The following LRRIQ3 variants were observed in gnomAD, a reference collection of about 807,000 sequenced individuals.
LRRIQ3 encodes the protein leucine-rich repeat and IQ domain-containing protein 3.
A neutral mutation model predicts 59.3 loss-of-function variants in LRRIQ3; 75 were observed. That is an observed-to-expected ratio of 1.26 (90% CI 1.05 to 1.53). The LOEUF is 1.53. Ranked by LOEUF, LRRIQ3 falls within the 40% of genes most tolerant of loss-of-function variation. LRRIQ3 has a pLI of 0.00. For synonymous variants in LRRIQ3, 250 were observed against 231.3 expected (o/e 1.08, Z -0.73); for missense variants, 831 against 710.0 (o/e 1.17, Z -1.94).
chr1:74,051,627 C>T (rs1245496695), intron 6 of LRRIQ3, among the ~76,000 whole-genome samples: 14 of 152,038 alleles, frequency 9.2e-5, no homozygotes, highest in Admixed American at 2.0e-4. Flanking sequence ...AAACCCCATA[C>T]GCATTAGAGT....
intron 4 of LRRIQ3, chr1:74,138,517 A>G (rs1421469627): frequency 1.0e-5 from 10 of 984,292 alleles, no homozygotes; most frequent in Non-Finnish European, 1.1e-5. Flanking sequence ...TGTTGTCTCA[A>G]TATGAGAAAC....
At chr1:74,157,219 G>A (rs2100671488) in intron 3 of LRRIQ3, among the ~76,000 whole-genome samples, 1 of 152,090 alleles carries the variant, frequency 6.6e-6, no homozygotes, top group African/African-American at 2.4e-5. Context: ...TTTTTTCACA[G>A]AGAAACTAGA....
In LRRIQ3 at chr1:74,168,419, AT is replaced by A. The variant is rs1253849937; in HGVS notation, c.574-12554del. On this transcript the variant is annotated intron_variant, in intron 3 of 7. Transcript: ENST00000354431. ...AGCTACTCAATCCTACTTTTAACTAATTTTTGTATGATACATATTTTTCCAT... is the reference window on the plus strand; with the variant it reads ...AGCTACTCAATCCTACTTTTAACTAATTTTGTATGATACATATTTTTCCAT... Among the ~76,000 whole-genome samples the A allele has an allele frequency of 2.0e-5, 3 of 151,962 alleles. No homozygotes were observed. The East Asian group carries it at 5.8e-4, about 29-fold the overall frequency.
chr1:74,028,971 A>G (rs183876381), intron 7 of LRRIQ3, among the ~76,000 whole-genome samples: 12 of 152,166 alleles, frequency 7.9e-5, no homozygotes, highest in African/African-American at 2.6e-4. Context: ...AATGTACTAA[A>G]ATAGCCCTCT....
At chr1:74,187,721 C>T (rs915708319) in intron 1 of LRRIQ3, among the ~76,000 whole-genome samples, 1 of 151,636 alleles carries the variant, frequency 6.6e-6, no homozygotes, top group Non-Finnish European at 1.5e-5. Flanking sequence ...CACCTGTACC[C>T]CAACAACTAT....
chr1:74,130,618 T>A (rs1217555299), intron 4 of LRRIQ3, among the ~76,000 whole-genome samples: 1 of 152,126 alleles, frequency 6.6e-6, no homozygotes, highest in Non-Finnish European at 1.5e-5. Flanking sequence ...ATTTTTTTTG[T>A]GCCGATAGTT....
intron 6 of LRRIQ3, among the ~76,000 whole-genome samples, chr1:74,055,104 C>T (rs1307471121): frequency 2.0e-5 from 3 of 147,666 alleles, no homozygotes; most frequent in Non-Finnish European, 4.5e-5. Context: ...CACAGAATAA[C>T]ACAACCATCA....
chr1:74,196,600 A>G (rs1651156062), intron 1 of LRRIQ3, among the ~76,000 whole-genome samples: 1 of 152,106 alleles, frequency 6.6e-6, no homozygotes, highest in Non-Finnish European at 1.5e-5. Context: ...TATTACCCCA[A>G]AAACCTTCCT....
rs188563807 is a variant in LRRIQ3, at chr1:74,051,470, G to A, written c.998-9537C>T. The stretch of plus-strand genomic sequence containing the variant: ...CCTACATACGATTTTAAAAACATCC[G>A]TATTGAGATATACTTAATATTCCAT... On this transcript the variant is annotated intron_variant, in intron 6 of 7. Coordinates refer to ENST00000354431, the MANE Select transcript of LRRIQ3 (RefSeq NM_001105659.2). Among the ~76,000 whole-genome samples, 30 of 152,162 alleles carry A rather than the reference G, an allele frequency of 2.0e-4. No individual in the cohort carries two copies. In the East Asian group the frequency reaches 3.5e-3, roughly 18 times the overall value.
chr1:74,091,244 T>C (rs1385513590), intron 5 of LRRIQ3, among the ~76,000 whole-genome samples: 1 of 152,052 alleles, frequency 6.6e-6, no homozygotes, highest in Admixed American at 6.6e-5. Context: ...ATCCATAAAA[T>C]CTCGAGATTT....
At chr1:74,045,397 G>A (rs553430841) in intron 6 of LRRIQ3, among the ~76,000 whole-genome samples, 36 of 152,084 alleles carry the variant, frequency 2.4e-4, no homozygotes, top group African/African-American at 7.5e-4. Context: ...AAAGGCCTTC[G>A]ACAAAATTCA....
intron 7 of LRRIQ3, among the ~76,000 whole-genome samples, chr1:74,040,266 T>C (rs1329053144): frequency 2.0e-5 from 3 of 152,194 alleles, no homozygotes; most frequent in Admixed American, 6.5e-5. Flanking sequence ...ACGCACCCAA[T>C]ACAGCAGCAC....
intron 5 of LRRIQ3, among the ~76,000 whole-genome samples, chr1:74,090,809 G>T (rs1008811913): frequency 2.0e-5 from 3 of 152,008 alleles, no homozygotes; most frequent in Non-Finnish European, 4.4e-5. Flanking sequence ...TGGAAGGACT[G>T]CTTGAGTCCA....
intron 6 of LRRIQ3, among the ~76,000 whole-genome samples, chr1:74,071,075 C>T (rs144132420): frequency 0.033 from 4,926 of 149,760 alleles, 297 homozygotes; most frequent in African/African-American, 0.12. Context: ...TATAACTATA[C>T]AAATTTTATA....
At chr1:74,128,490 A>C (rs1646967225) in intron 4 of LRRIQ3, among the ~76,000 whole-genome samples, 1 of 151,936 alleles carries the variant, frequency 6.6e-6, no homozygotes, top group Admixed American at 6.6e-5. Context: ...AGGATTCTGG[A>C]CTCCATCTCT....
intron 3 of LRRIQ3, chr1:74,180,841 C>G (rs982396127): frequency 7.2e-6 from 11 of 1,519,060 alleles, no homozygotes; most frequent in Non-Finnish European, 9.8e-6. Flanking sequence ...TTCAAAAAGG[C>G]CTTCCCCATC....
intron 4 of LRRIQ3, among the ~76,000 whole-genome samples, chr1:74,123,771 G>A (rs1341286551): frequency 6.6e-6 from 1 of 151,908 alleles, no homozygotes; most frequent in Admixed American, 6.6e-5. Flanking sequence ...ATAAACATAG[G>A]AGCACAGATA....
intron 5 of LRRIQ3, among the ~76,000 whole-genome samples, chr1:74,096,385 C>T (rs545833739): frequency 6.6e-6 from 1 of 152,038 alleles, no homozygotes; most frequent in Non-Finnish European, 1.5e-5. Flanking sequence ...CACTATTATA[C>T]AGAATAACTA....
At chr1:74,141,005 A>G (rs1647231578) in intron 4 of LRRIQ3, among the ~76,000 whole-genome samples, 1 of 151,850 alleles carries the variant, frequency 6.6e-6, no homozygotes, top group Non-Finnish European at 1.5e-5. Context: ...TTAATTGTAT[A>G]CCCACAAAGT....
Sources: gnomAD v4.1 joint callset for allele counts (sites outside exome capture counted in the v4.1 genomes callset) on GRCh38, gnomAD v4.1.1 for gene constraint, MANE v1.5 for transcripts, NCBI Gene and HGNC (gene_info 2026-07-23, HGNC 2026-07-21) for gene names.